The following ANKRD26 variants were observed in gnomAD, a reference collection of about 807,000 sequenced individuals.
ANKRD26 encodes ankyrin repeat domain-containing protein 26.
In ANKRD26, 141 loss-of-function variants were observed where a neutral mutation model predicts 208.7. The observed-to-expected ratio is 0.68, with a 90% CI of 0.59 to 0.78. The LOEUF is 0.78. ANKRD26 is among the 30% of genes least tolerant of loss of function. The pLI is 0.00. For missense variants in ANKRD26, 1,889 were observed against 1,938.7 expected (o/e 0.97, Z 0.48); for synonymous variants, 636 against 660.4 (o/e 0.96, Z 0.57).
downstream of ANKRD26, among the ~76,000 whole-genome samples, chr10:26,971,116 T>G (rs963511999): frequency 2.6e-5 from 4 of 152,250 alleles, no homozygotes; most frequent in Non-Finnish European, 4.4e-5. Flanking sequence ...CTGGGTGCAG[T>G]GGCTCACACC....
At position 27,046,871 on chromosome 10, in the gene ANKRD26, G is replaced by C. The variant is rs575942756; in HGVS notation, c.1815-348C>G. On this transcript the variant is annotated intron_variant, in intron 17 of 33. Coordinates refer to ENST00000376087, the MANE Select transcript of ANKRD26 (RefSeq NM_014915.3). The stretch of plus-strand genomic sequence containing the variant: ...ACACAAGGACAGCTTTAAAACAGAA[G>C]AGACAAAATAGAGGAGTTCATGAGA... Among the ~76,000 whole-genome samples, 3 of 152,144 alleles carry C rather than the reference G, an allele frequency of 2.0e-5. No individual in the cohort carries two copies. In the East Asian group the frequency reaches 5.8e-4, roughly 29 times the overall value.
At position 27,005,235 on chromosome 10, in the gene ANKRD26, G is replaced by A; in HGVS notation, c.*355C>T. 9.9e-7 allele frequency: 1 copy of A among 1,008,482 alleles called. No individual in the cohort carries two copies. Among genetic ancestry groups the A allele is most frequent in the Non-Finnish European group, 1.2e-6 (1 of 844,372 alleles). The allele number at this position is 1,008,482 out of a possible 1,614,324, so 62.5% of individuals were successfully genotyped here. A position where few individuals can be genotyped will look rare whatever the true frequency, so the allele number is the denominator to read the frequency against. Reference sequence around the variant, plus strand: ...GACCACAGTTCCTGCACAACAAAATGATGTCTAAGTCCAATTAGACATCTA... The same window carrying A: ...GACCACAGTTCCTGCACAACAAAATAATGTCTAAGTCCAATTAGACATCTA... On this transcript the variant is annotated 3_prime_UTR_variant, in exon 34 of 34. Transcript: ENST00000376087.
intron 9 of ANKRD26, among the ~76,000 whole-genome samples, chr10:27,074,408 T>C (rs2055615445): frequency 6.6e-6 from 1 of 152,190 alleles, no homozygotes; most frequent in African/African-American, 2.4e-5. Context: ...GGGCTGGGCA[T>C]GGTGGCTCAC....
At chr10:27,060,648 T>C (rs1174695635) in intron 13 of ANKRD26, 108 bp from the exon 14 acceptor site, 2 of 873,546 alleles carry the variant, frequency 2.3e-6, no homozygotes, top group Non-Finnish European at 3.6e-6. Context: ...GGTTTGAAAA[T>C]GATTATGTTA....
At chr10:26,965,030 G>A in the ANKRD26 span, among the ~76,000 whole-genome samples, 6 of 152,108 alleles carry the variant, frequency 3.9e-5, no homozygotes, top group African/African-American at 1.4e-4. Context: ...CTTGTCTTTT[G>A]CCAATTGAAA....
At chr10:26,967,355 C>A in the ANKRD26 span, among the ~76,000 whole-genome samples, 1 of 152,158 alleles carries the variant, frequency 6.6e-6, no homozygotes, top group Non-Finnish European at 1.5e-5. Flanking sequence ...AAGAGATGAG[C>A]CAGGATGCTA....
rs1165886531 is a variant in ANKRD26 at position 27,082,844 on chromosome 10, GA to G, written c.710-12del. On this transcript the variant is annotated splice_polypyrimidine_tract_variant and intron_variant, in intron 5 of 33. Transcript: ENST00000376087. ...CAGAGCTTTCATCCACTATTAAAGA[GA>G]AAAGTAAAACACACTTTAAATCAAC... 1 of 1,586,164 alleles carries G rather than the reference GA, an allele frequency of 6.3e-7. No individual in the cohort carries two copies. The highest frequency in any genetic ancestry group is 1.4e-5 in the African/African-American group (1 of 73,822).
chr10:27,072,152 C>T (rs956076010), intron 9 of ANKRD26, among the ~76,000 whole-genome samples: 2 of 152,198 alleles, frequency 1.3e-5, no homozygotes, highest in Non-Finnish European at 2.9e-5. Flanking sequence ...CTTGAAAGTG[C>T]GGTTTCTGTC....
At chr10:26,977,141 G>T (rs2052240105) in intron 5 of ANKRD26, among the ~76,000 whole-genome samples, 1 of 152,086 alleles carries the variant, frequency 6.6e-6, no homozygotes, top group African/African-American at 2.4e-5. Flanking sequence ...CCCATTTGAA[G>T]GTATACTTCA....
At chr10:27,098,453 T>G (rs2056536495) in intron 1 of ANKRD26, among the ~76,000 whole-genome samples, 1 of 152,188 alleles carries the variant, frequency 6.6e-6, no homozygotes, top group Admixed American at 6.5e-5. Context: ...TCATTAATAA[T>G]AAATTTTCAC....
chr10:26,999,266 T>TA (rs2052665990), downstream of ANKRD26, among the ~76,000 whole-genome samples: 1 of 152,236 alleles, frequency 6.6e-6, no homozygotes, highest in Admixed American at 6.5e-5. Context: ...GACTAAATAT[T>TA]TGCATGACAA....
rs2055248270 is a variant in ANKRD26, at chr10:27,066,418, C to T, written c.1269+69G>A. 3 of 1,256,536 alleles carry T rather than the reference C, an allele frequency of 2.4e-6. No homozygotes were observed. The African/African-American group carries it at 4.5e-5, about 19-fold the overall frequency. 77.8% of individuals were successfully genotyped at this position (1,256,536 alleles called of 1,614,324 possible). ...CAGAGGTAAAAAAGTCAAGTCAAAG[C>T]ATCTCTTTATGTTTTAACATCACTC... On this transcript the variant is annotated intron_variant, in intron 11 of 33. Coordinates refer to ENST00000376087, the MANE Select transcript of ANKRD26 (RefSeq NM_014915.3).
rs557757498 is a variant in ANKRD26 at position 26,994,598 on chromosome 10, G to C, written c.*29+443C>G. On this transcript the variant is annotated intron_variant, in intron 5 of 5. Coordinates refer to the ANKRD26 transcript ENST00000445828. ...GTTTTATGGCCATTCCCCAGATGGG[G>C]GCTGGTGGCTCAAATACTGCTCTTT... is the stretch of plus-strand genomic sequence containing the variant. Among the ~76,000 whole-genome samples, 14 of 152,282 alleles carry C rather than the reference G, an allele frequency of 9.2e-5. 1 individual carries two copies. Among genetic ancestry groups the C allele is most frequent in the Admixed American group, 9.1e-4 (14 of 15,304 alleles).
chr10:26,952,436 AG>A, the ANKRD26 span, among the ~76,000 whole-genome samples: 1 of 147,524 alleles, frequency 6.8e-6, no homozygotes, highest in African/African-American at 2.6e-5. Context: ...CCTTTGCTGT[AG>A]GTTTTGGGCA....
chr10:27,056,368 G>T (rs911025708), intron 15 of ANKRD26, among the ~76,000 whole-genome samples: 1 of 151,968 alleles, frequency 6.6e-6, no homozygotes, highest in Non-Finnish European at 1.5e-5. Flanking sequence ...AGTAGAGATG[G>T]GGTTTCACCA....
the ANKRD26 span, among the ~76,000 whole-genome samples, chr10:26,964,906 C>T: frequency 1.3e-5 from 2 of 152,160 alleles, no homozygotes; most frequent in Non-Finnish European, 2.9e-5. Flanking sequence ...CTGAGATAAA[C>T]TTTGATAGTG....
the ANKRD26 span, among the ~76,000 whole-genome samples, chr10:26,950,423 T>C: frequency 7.0e-6 from 1 of 143,816 alleles, no homozygotes; most frequent in East Asian, 2.0e-4. Flanking sequence ...TTTATAGCAG[T>C]GTGAAAACGT....
intron 25 of ANKRD26, among the ~76,000 whole-genome samples, chr10:27,032,376 T>G (rs2053893576): frequency 6.6e-6 from 1 of 152,088 alleles, no homozygotes; most frequent in South Asian, 2.1e-4. Flanking sequence ...GGCTCACACC[T>G]GTAATCACAG....
At chr10:27,078,911 A>T (rs1165284959) in intron 7 of ANKRD26, among the ~76,000 whole-genome samples, 178 bp downstream of exon 7, 1 of 108,720 alleles carries the variant, frequency 9.2e-6, no homozygotes. Context: ...TTACCAAAGT[A>T]AAAAAAAAAA....
Sources: gnomAD v4.1 joint callset for allele counts (sites outside exome capture counted in the v4.1 genomes callset) on GRCh38, gnomAD v4.1.1 for gene constraint, MANE v1.5 for transcripts, NCBI Gene and HGNC (gene_info 2026-07-23, HGNC 2026-07-21) for gene names.